The following CNOT1 variants were observed in gnomAD, a reference collection of about 807,000 sequenced individuals.
The protein encoded by CNOT1 is CCR4-associated factor 1.
In CNOT1, 15 loss-of-function variants were observed where a neutral mutation model predicts 273.8. The observed-to-expected ratio is 0.05, with a 90% CI of 0.04 to 0.08. The LOEUF (loss-of-function observed/expected upper bound fraction) is 0.08, where lower values mean the gene tolerates loss of function less well. CNOT1 is among the 10% of genes least tolerant of loss of function. The pLI, the probability that CNOT1 is intolerant of heterozygous loss-of-function variation, is 1.00. For synonymous variants in CNOT1, 1,022 were observed against 1,005.5 expected (o/e 1.02, Z -0.31); for missense variants, 1,644 against 2,912.2 (o/e 0.56, Z 10.02).
chr16:58,558,595 G>A lies in CNOT1; in HGVS notation c.2210C>T (p.Pro737Leu). ...APHTQSMQGFPPNLGSAFSTP... is the reference protein window; with the variant it reads ...APHTQSMQGFLPNLGSAFSTP... Reference sequence around the variant, plus strand: ...ACTGAATGCAGAACCCAAATTTGGAGGAAAACCCTGCATACTCTGGGTGTG... The same window carrying A: ...ACTGAATGCAGAACCCAAATTTGGAAGAAAACCCTGCATACTCTGGGTGTG... Residue 737 changes from proline to leucine, a missense_variant, in exon 18 of 49, where the codon CCT (proline) becomes CTT (leucine). Physicochemically the swap from Pro to Leu is moderately conservative, Grantham distance 98. Coordinates refer to ENST00000317147, the MANE Select transcript of CNOT1 (RefSeq NM_016284.5). 1 of 1,613,178 alleles carries A rather than the reference G, an allele frequency of 6.2e-7. No homozygotes were observed. Among genetic ancestry groups the A allele is most frequent in the Non-Finnish European group, 8.5e-7 (1 of 1,179,616 alleles).
intron 2 of CNOT1, among the ~76,000 whole-genome samples, chr16:58,592,456 T>C (rs759169872): frequency 5.9e-5 from 9 of 152,266 alleles, no homozygotes; most frequent in South Asian, 2.1e-4. Flanking sequence ...AGCACAGCTA[T>C]AGTCCTAACT....
chr16:58,528,531 G>A lies in CNOT1; in HGVS notation c.6397C>T (p.Leu2133=), dbSNP rs1197031841. Residue 2133 remains leucine (L), a synonymous_variant, in exon 44 of 49, where the codon CTG becomes TTG. Transcript: ENST00000317147. Reference sequence around the variant, plus strand: ...CTCATGTTTCTTGGAAAGGCACTCAGGATCAAATTTCTTAACTGGATACAA... The same window carrying A: ...CTCATGTTTCTTGGAAAGGCACTCAAGATCAAATTTCTTAACTGGATACAA... ...PNCIQLRNLI[L]SAFPRNMRLP... is the part of the protein sequence containing the mutation. 6.2e-7 allele frequency: 1 copy of A among 1,613,482 alleles called. No individual in the cohort carries two copies. Among genetic ancestry groups the A allele is most frequent in the Non-Finnish European group, 8.5e-7 (1 of 1,179,634 alleles).
chr16:58,553,466 T>A (rs2040522290), intron 22 of CNOT1, among the ~76,000 whole-genome samples: 1 of 152,350 alleles, frequency 6.6e-6, no homozygotes, highest in South Asian at 2.1e-4. Flanking sequence ...GCAGGGTGTC[T>A]GTACTTTATC....
chr16:58,583,953 G>T (rs1377527825), intron 8 of CNOT1, among the ~76,000 whole-genome samples: 1 of 147,978 alleles, frequency 6.8e-6, no homozygotes, highest in Non-Finnish European at 1.5e-5. Context: ...TGGATCACGA[G>T]GTCAGGAGAT....
intron 31 of CNOT1, 69 bp from the exon 32 acceptor site, chr16:58,542,637 G>A: frequency 1.3e-6 from 2 of 1,572,420 alleles, no homozygotes; most frequent in South Asian, 1.2e-5. Flanking sequence ...GATGTGGACA[G>A]ACAGGATAGT....
chr16:58,562,961 A>G (rs776161677), intron 16 of CNOT1, among the ~76,000 whole-genome samples: 2 of 152,206 alleles, frequency 1.3e-5, no homozygotes, highest in African/African-American at 2.4e-5. Flanking sequence ...TTTGGGGGGA[A>G]AAAATAAGAC....
At chr16:58,572,744 C>G (rs1426839355) in intron 16 of CNOT1, among the ~76,000 whole-genome samples, 2 of 151,670 alleles carry the variant, frequency 1.3e-5, no homozygotes, top group Non-Finnish European at 1.5e-5. Context: ...CCCATCTCTA[C>G]TAAAAATACA....
chr16:58,590,226 G>A lies in CNOT1; in HGVS notation c.103-1320C>T, dbSNP rs12600089. On this transcript the variant is annotated intron_variant, in intron 2 of 48. Transcript: ENST00000317147. ...AAAATTTACCACCATCTATCCCCAC[G>A]GATAAGGGGTTGACATATTTAAAAC... 4.3e-3 allele frequency among the ~76,000 whole-genome samples: 653 copies of A among 152,188 alleles called. 8 individuals carry two copies. Among genetic ancestry groups the A allele is most frequent in the East Asian group, 0.042 (216 of 5,172 alleles).
In CNOT1 at chr16:58,528,540, T is replaced by A; in HGVS notation, c.6388A>T (p.Asn2130Tyr). 1 of 1,613,664 alleles carries A rather than the reference T, an allele frequency of 6.2e-7. No homozygotes were observed. Among genetic ancestry groups the A allele is most frequent in the Non-Finnish European group, 8.5e-7 (1 of 1,179,618 alleles). ...VIPPNCIQLRNLILSAFPRNM... is the reference protein window; with the variant it reads ...VIPPNCIQLRYLILSAFPRNM... The stretch of plus-strand genomic sequence containing the variant: ...CTTGGAAAGGCACTCAGGATCAAAT[T>A]TCTTAACTGGATACAATTAGGTGGG... Residue 2130 changes from asparagine (N) to tyrosine (Y), a missense_variant, in exon 44 of 49, where the codon AAT (asparagine) becomes TAT (tyrosine). Asn to Tyr is a moderately radical substitution (Grantham distance 143). This residue lies in a region of CNOT1 where 140 missense variants were observed against 324.6 expected (regional missense o/e 0.43). Transcript: ENST00000317147.
intron 7 of CNOT1, among the ~76,000 whole-genome samples, chr16:58,586,222 CTT>C (rs1303903380): frequency 4.2e-5 from 3 of 70,608 alleles, no homozygotes; most frequent in African/African-American, 1.8e-4. Context: ...GATGTTGTCT[CTT>C]TTTTAAAAAG....
intron 1 of CNOT1, among the ~76,000 whole-genome samples, chr16:58,612,963 C>T (rs1477561025): frequency 6.6e-6 from 1 of 152,030 alleles, no homozygotes; most frequent in Admixed American, 6.6e-5. Flanking sequence ...ATATTATTAC[C>T]CCAACTTTAC....
chr16:58,557,748 G>C (rs867562208), intron 18 of CNOT1, among the ~76,000 whole-genome samples: 2 of 152,196 alleles, frequency 1.3e-5, no homozygotes, highest in Non-Finnish European at 2.9e-5. Context: ...CAGCACTTTG[G>C]GGGGCCAAGG....
At chr16:58,585,620 A>G in intron 7 of CNOT1, 114 bp from the exon 8 acceptor site, 1 of 1,442,996 alleles carries the variant, frequency 6.9e-7, no homozygotes, top group South Asian at 1.6e-5. Context: ...ATTCAAAGCC[A>G]AGCTTATTTC....
chr16:58,601,797 G>A lies in CNOT1; in HGVS notation c.-174-2286C>T, dbSNP rs1360213506. 6.3e-5 allele frequency among the ~76,000 whole-genome samples: 9 copies of A among 143,286 alleles called. No individual in the cohort carries two copies. The South Asian group carries it at 1.3e-3, about 21-fold the overall frequency. The allele number at this position is 143,286 out of a possible 152,430, so 94.0% of individuals were successfully genotyped here. Reference sequence around the variant, plus strand: ...AACACCTGTAATCCCAGCACTTTGGGAGGCTGAGGCAGGAGGATCGCTTGA... The same window carrying A: ...AACACCTGTAATCCCAGCACTTTGGAAGGCTGAGGCAGGAGGATCGCTTGA... On this transcript the variant is annotated intron_variant, in intron 1 of 48. Coordinates refer to ENST00000317147, the MANE Select transcript of CNOT1 (RefSeq NM_016284.5).
chr16:58,615,844 G>C (rs2043055005), intron 1 of CNOT1, among the ~76,000 whole-genome samples: 1 of 123,448 alleles, frequency 8.1e-6, no homozygotes, highest in South Asian at 2.4e-4. Flanking sequence ...CACTTTGGGA[G>C]GCCAAGAAGG....
chr16:58,532,867 A>T (rs2039814114), intron 40 of CNOT1: 1 of 155,024 alleles, frequency 6.5e-6, no homozygotes. Context: ...TGAAGAACAC[A>T]TCTCTAATTT....
chr16:58,628,938 C>A (rs1009224603), intron 1 of CNOT1, among the ~76,000 whole-genome samples: 3 of 152,224 alleles, frequency 2.0e-5, no homozygotes, highest in Admixed American at 2.0e-4. Context: ...ACAAGACCTG[C>A]CGTGGATCTT....
chr16:58,583,727 T>C (rs1330996910), intron 8 of CNOT1, among the ~76,000 whole-genome samples: 1 of 152,012 alleles, frequency 6.6e-6, no homozygotes, highest in Non-Finnish European at 1.5e-5. Flanking sequence ...TTAGTGGAGA[T>C]GGGGTTTCAC....
chr16:58,545,437 T>C lies in CNOT1; in HGVS notation c.4061A>G (p.Gln1354Arg). 2.5e-6 allele frequency: 4 copies of C among 1,614,162 alleles called. No homozygotes were observed. The highest frequency in any genetic ancestry group is 3.4e-6 in the Non-Finnish European group (4 of 1,179,982). The change falls in exon 30 of 49, where the codon CAG (glutamine) becomes CGG (arginine). Residue 1354 changes from glutamine to arginine, a missense_variant. Transcript: ENST00000317147. ...NTTCTATVPP[Q>R]PQYSYHDINV... is the part of the protein sequence containing the mutation. The stretch of plus-strand genomic sequence containing the variant: ...GATGTCGTGGTAGCTGTACTGTGGC[T>C]GTGGTGGAACCGTGGCTGTACAAGT...
Sources: allele counts gnomAD v4.1 joint callset (sites outside exome capture counted in the v4.1 genomes callset), GRCh38; gene constraint gnomAD v4.1.1; regional missense constraint gnomAD v4.1.1; transcripts MANE v1.5; gene names NCBI Gene and HGNC (gene_info 2026-07-23, HGNC 2026-07-21).